The following DCUN1D3 variants were observed in gnomAD, a reference collection of about 807,000 sequenced individuals.
The protein encoded by DCUN1D3 is defective in cullin neddylation 1 domain containing 3.
Under a neutral mutation model 24.8 loss-of-function variants are expected in DCUN1D3, and 6 were observed. The ratio of observed to expected loss-of-function variants is 0.24; its 90% CI spans 0.13 to 0.48. The LOEUF is 0.48. Among genes scored for constraint, DCUN1D3 ranks in the 20% least tolerant of loss-of-function variants. The probability of loss-of-function intolerance (pLI) is 0.99; values close to 1 mark genes in which losing one functional copy is unlikely to be tolerated. For synonymous variants in DCUN1D3, 120 were observed against 144.9 expected, an observed-to-expected ratio of 0.83 and a Z score of 1.24; for missense variants, 258 against 379.4, an observed-to-expected ratio of 0.68 and a Z score of 2.66.
chr16:20,879,708 T>A (rs1158036912), intron 1 of DCUN1D3, among the ~76,000 whole-genome samples: 1 of 152,218 alleles, frequency 6.6e-6, no homozygotes, highest in African/African-American at 2.4e-5. Flanking sequence ...AGATGGATAC[T>A]GTCATGATAA....
At chr16:20,880,546 A>C (rs2081837492) in intron 1 of DCUN1D3, among the ~76,000 whole-genome samples, 1 of 131,800 alleles carries the variant, frequency 7.6e-6, no homozygotes. Context: ...CTGAGACTGC[A>C]GTGAGCAGTG....
At chr16:20,865,339 G>T (rs1485214271) in intron 1 of DCUN1D3, among the ~76,000 whole-genome samples, 1 of 152,098 alleles carries the variant, frequency 6.6e-6, no homozygotes, top group Admixed American at 6.5e-5. Context: ...TAACAAACTC[G>T]TCATGGTGGT....
intron 1 of DCUN1D3, among the ~76,000 whole-genome samples, chr16:20,898,553 G>A (rs751178349): frequency 6.6e-5 from 10 of 152,322 alleles, no homozygotes; most frequent in Non-Finnish European, 1.0e-4. Flanking sequence ...GAGAACAGTA[G>A]TCATTCTTCT....
Position 20,884,752 on chromosome 16 carries a change from G to A in DCUN1D3, c.-106+15452C>T, listed in dbSNP as rs116214276. Among the ~76,000 whole-genome samples, 1,148 of 152,232 alleles carry A rather than the reference G, an allele frequency of 7.5e-3. 24 individuals carry two copies. Among genetic ancestry groups the A allele is most frequent in the African/African-American group, 0.026 (1,081 of 41,530 alleles). Reference sequence around the variant, plus strand: ...GACAAAATCGAAATTTACAAAGTATGAGGAATTGAAGCACAGATCCCACCT... The same window carrying A: ...GACAAAATCGAAATTTACAAAGTATAAGGAATTGAAGCACAGATCCCACCT... On this transcript the variant is annotated intron_variant, in intron 1 of 2. Coordinates refer to ENST00000324344, the MANE Select transcript of DCUN1D3 (RefSeq NM_173475.4).
chr16:20,868,074 C>A (rs2081771175), intron 1 of DCUN1D3, among the ~76,000 whole-genome samples: 1 of 152,236 alleles, frequency 6.6e-6, no homozygotes, highest in African/African-American at 2.4e-5. Flanking sequence ...TTAGTCCCAA[C>A]TCTGTAGATC....
Position 20,855,512 on chromosome 16 carries a change from C to G in DCUN1D3, c.*4374G>C, listed in dbSNP as rs559244861. 2.0e-5 allele frequency: 3 copies of G among 152,234 alleles called. No homozygotes were observed. In the East Asian group the frequency reaches 5.8e-4, roughly 29 times the overall value. The allele number at this position is 152,234 out of a possible 1,614,324, so 9.4% of individuals were successfully genotyped here. A position where few individuals can be genotyped will look rare whatever the true frequency, so the allele number is the denominator to read the frequency against. ...GGTATTTATGAGATAGGCTGGGTTT[C>G]CAAGAAGAGAAGAATAGGGAGGACA... is the stretch of plus-strand genomic sequence containing the variant. On this transcript the variant is annotated 3_prime_UTR_variant, in exon 3 of 3. Coordinates refer to ENST00000324344, the MANE Select transcript of DCUN1D3 (RefSeq NM_173475.4).
Position 20,883,349 on chromosome 16 carries a change from A to G in DCUN1D3, c.-106+16855T>C, listed in dbSNP as rs1055346706. Among the ~76,000 whole-genome samples, 3 of 152,134 alleles carry G rather than the reference A, an allele frequency of 2.0e-5. No homozygotes were observed. In the South Asian group the frequency reaches 6.2e-4, roughly 32 times the overall value. On this transcript the variant is annotated intron_variant, in intron 1 of 2. Coordinates refer to ENST00000324344, the MANE Select transcript of DCUN1D3 (RefSeq NM_173475.4). ...AACACGGTGAAACCCCGTCTCTACT[A>G]AAAATACAAAACATTTAGCCGGGCA...
Position 20,860,427 on chromosome 16 carries a change from T to C in DCUN1D3, c.432-58A>G. On this transcript the variant is annotated intron_variant, in intron 2 of 2. Transcript: ENST00000324344. This position sits in a 1 kb window ranked among gnomAD's most constrained non-coding sequence, Gnocchi z 4.3. ...TATAAACTATACTATTTACAGGCAA[T>C]ATACATAGTGATTAAGAGCAAGGCT... The C allele has an allele frequency of 6.6e-7, 1 of 1,522,464 alleles. No individual in the cohort carries two copies. 94.3% of individuals were successfully genotyped at this position (1,522,464 alleles called of 1,614,324 possible).
chr16:20,859,316 A>C lies in DCUN1D3; in HGVS notation c.*570T>G, dbSNP rs1358098633. 1 of 152,642 alleles carries C rather than the reference A, an allele frequency of 6.6e-6. No homozygotes were observed. Among genetic ancestry groups the C allele is most frequent in the East Asian group, 1.9e-4 (1 of 5,192 alleles). The allele number at this position is 152,642 out of a possible 1,614,324, so 9.5% of individuals were successfully genotyped here. On this transcript the variant is annotated 3_prime_UTR_variant, in exon 3 of 3. Transcript: ENST00000324344. ...CTCCAAGAGCTCTAAATCGCCTGGGAATTAATGCAATGTGGTTAACAGTTA... is the reference window on the plus strand; with the variant it reads ...CTCCAAGAGCTCTAAATCGCCTGGGCATTAATGCAATGTGGTTAACAGTTA...
intron 1 of DCUN1D3, among the ~76,000 whole-genome samples, chr16:20,881,142 C>T (rs576779086): frequency 6.6e-6 from 1 of 152,314 alleles, no homozygotes; most frequent in South Asian, 2.1e-4. Context: ...CCAATGCACA[C>T]ATATAAAGCC....
At chr16:20,878,137 C>A (rs191813653) in intron 1 of DCUN1D3, among the ~76,000 whole-genome samples, 8 of 152,264 alleles carry the variant, frequency 5.3e-5, no homozygotes, top group African/African-American at 1.9e-4. Flanking sequence ...GGACTCCCCC[C>A]ATTCGAAGCA....
intron 1 of DCUN1D3, among the ~76,000 whole-genome samples, chr16:20,880,637 A>C (rs571619793): frequency 9.9e-5 from 15 of 150,916 alleles, no homozygotes; most frequent in South Asian, 8.3e-4. Context: ...AAACAGAAAA[A>C]AGAAAAAAGA....
At chr16:20,877,649 T>C (rs949189893) in intron 1 of DCUN1D3, among the ~76,000 whole-genome samples, 1 of 152,236 alleles carries the variant, frequency 6.6e-6, no homozygotes, top group Non-Finnish European at 1.5e-5. Context: ...CTGAGATGTT[T>C]AGCACTTTCT....
At chr16:20,895,202 C>A (rs2081910013) in intron 1 of DCUN1D3, among the ~76,000 whole-genome samples, 1 of 152,180 alleles carries the variant, frequency 6.6e-6, no homozygotes, top group South Asian at 2.1e-4. Context: ...TCAAGCAATT[C>A]TCCTGCCTTA....
chr16:20,872,443 C>T lies in DCUN1D3; in HGVS notation c.-105-9800G>A, dbSNP rs186652816. Among the ~76,000 whole-genome samples, 156 of 150,540 alleles carry T rather than the reference C, an allele frequency of 1.0e-3. 1 individual carries two copies. Among genetic ancestry groups the T allele is most frequent in the African/African-American group, 3.6e-3 (146 of 40,908 alleles). ...AGGCCTCAGGTTCACCACGTGGTAA[C>T]CAATCAACCTCTTAATGTTTGCTAA... On this transcript the variant is annotated intron_variant, in intron 1 of 2. Transcript: ENST00000324344.
At position 20,863,260 on chromosome 16, in the gene DCUN1D3, C is replaced by CTCCA. The variant is rs1281998127; in HGVS notation, c.-105-621_-105-618dup. The stretch of plus-strand genomic sequence containing the variant: ...GGTGAAATGCCCTTGCTTTGCCCTA[C>CTCCA]TCCATCCACCTATAGAAACCATCCA... On this transcript the variant is annotated intron_variant, in intron 1 of 2. Transcript: ENST00000324344. 2.0e-5 allele frequency among the ~76,000 whole-genome samples: 3 copies of CTCCA among 152,338 alleles called. No homozygotes were observed. In the East Asian group the frequency reaches 5.8e-4, roughly 29 times the overall value.
chr16:20,862,508 G>A lies in DCUN1D3; in HGVS notation c.31C>T (p.Pro11Ser). ...TTTTTGCTGCCCAGGGTCGATGAGG[G>A]ATTCTTACACTTGGTGACACACTGG... MGQCVTKCKN[P>S]SSTLGSKNGD... Residue 11 changes from proline (P) to serine (S), a missense_variant, in exon 2 of 3, where the codon CCC (proline) becomes TCC (serine). Pro to Ser is a moderately conservative substitution (Grantham distance 74). Coordinates refer to ENST00000324344, the MANE Select transcript of DCUN1D3 (RefSeq NM_173475.4). 6.2e-7 allele frequency: 1 copy of A among 1,607,210 alleles called. No individual in the cohort carries two copies.
chr16:20,875,032 C>T (rs923791198), intron 1 of DCUN1D3, among the ~76,000 whole-genome samples: 3 of 152,166 alleles, frequency 2.0e-5, no homozygotes, highest in East Asian at 1.9e-4. Context: ...ATTGCTGCCA[C>T]CTAATGGCCA....
At chr16:20,885,706 C>T (rs548685596) in intron 1 of DCUN1D3, among the ~76,000 whole-genome samples, 1 of 152,292 alleles carries the variant, frequency 6.6e-6, no homozygotes, top group South Asian at 2.1e-4. Flanking sequence ...TTCTCAAGAC[C>T]CCACTATGTT....
Sources: allele counts gnomAD v4.1 joint callset (sites outside exome capture counted in the v4.1 genomes callset), GRCh38; gene constraint gnomAD v4.1.1; non-coding constraint Gnocchi (gnomAD v3.1); transcripts MANE v1.5; gene names NCBI Gene and HGNC (gene_info 2026-07-23, HGNC 2026-07-21).